The following PHLPP1 variants were observed in gnomAD, a reference collection of about 807,000 sequenced individuals.
PHLPP1 encodes the protein PH domain leucine-rich repeat-containing protein phosphatase 1.
Under a neutral mutation model 117.2 loss-of-function variants are expected in PHLPP1, and 42 were observed. The observed-to-expected ratio is 0.36, with a 90% CI of 0.28 to 0.46. PHLPP1 has a LOEUF of 0.46. Among genes scored for constraint, PHLPP1 ranks in the 20% least tolerant of loss-of-function variants. The probability of loss-of-function intolerance (pLI) is 1.00; values close to 1 mark genes in which losing one functional copy is unlikely to be tolerated. For missense variants in PHLPP1, 2,084 were observed against 2,241.9 expected, an observed-to-expected ratio of 0.93 and a Z score of 1.42; for synonymous variants, 1,042 against 970.7, an observed-to-expected ratio of 1.07 and a Z score of -1.37.
intron 10 of PHLPP1, among the ~76,000 whole-genome samples, chr18:62,922,078 A>G (rs1909484708): frequency 6.6e-6 from 1 of 152,206 alleles, no homozygotes; most frequent in East Asian, 1.9e-4. Flanking sequence ...AAATGTTTCA[A>G]GATCATTGAA....
intron 6 of PHLPP1, among the ~76,000 whole-genome samples, chr18:62,898,036 G>C (rs78672090): frequency 3.0e-4 from 21 of 69,338 alleles, no homozygotes; most frequent in South Asian, 9.8e-4. Flanking sequence ...TCTCCTCTTT[G>C]TACAAAGTGT....
chr18:62,862,632 A>G (rs185079796), intron 4 of PHLPP1, among the ~76,000 whole-genome samples: 4 of 152,302 alleles, frequency 2.6e-5, no homozygotes, highest in East Asian at 1.9e-4. Context: ...GGGGTTCTCT[A>G]TAAATAGCGA....
chr18:62,863,129 A>G (rs892718246), intron 4 of PHLPP1, among the ~76,000 whole-genome samples: 2 of 151,962 alleles, frequency 1.3e-5, no homozygotes, highest in African/African-American at 4.8e-5. Context: ...TAGGCAAAGC[A>G]GCCCTAAGGG....
At position 62,763,768 on chromosome 18, in the gene PHLPP1, C is replaced by T. The variant is rs376880358; in HGVS notation, c.1576+46509C>T. On this transcript the variant is annotated intron_variant, in intron 1 of 16. Transcript: ENST00000262719. The stretch of plus-strand genomic sequence containing the variant: ...CTCTTTGACATCATACCTCTGTCTT[C>T]GTGACTTTTCCCAGTAGCACCAGAG... Among the ~76,000 whole-genome samples, 13 of 152,276 alleles carry T rather than the reference C, an allele frequency of 8.5e-5. No individual in the cohort carries two copies. In the East Asian group the frequency reaches 1.9e-3, roughly 23 times the overall value.
chr18:62,717,129 C>A lies in PHLPP1; in HGVS notation c.1446C>A (p.Arg482=). The A allele has an allele frequency of 6.2e-7, 1 of 1,600,136 alleles. No homozygotes were observed. Among genetic ancestry groups the A allele is most frequent in the Non-Finnish European group, 8.5e-7 (1 of 1,173,932 alleles). ...YVQLHGETTR[R]LEAEEKPLQI... Reference sequence around the variant, plus strand: ...AGCTCCACGGAGAGACCACCCGGCGCTTGGAGGCGGAGGAGAAGCCATTGC... The same window carrying A: ...AGCTCCACGGAGAGACCACCCGGCGATTGGAGGCGGAGGAGAAGCCATTGC... Residue 482 remains arginine (R), a synonymous_variant, in exon 1 of 17, where the codon CGC becomes CGA. Coordinates refer to ENST00000262719, the MANE Select transcript of PHLPP1 (RefSeq NM_194449.4).
chr18:62,829,490 G>A (rs922413249), intron 1 of PHLPP1, among the ~76,000 whole-genome samples: 1 of 152,164 alleles, frequency 6.6e-6, no homozygotes, highest in Non-Finnish European at 1.5e-5. Flanking sequence ...GGTGGCTCAC[G>A]CCTGTAATCC....
At chr18:62,871,776 C>T (rs1915910083) in intron 4 of PHLPP1, among the ~76,000 whole-genome samples, 1 of 151,578 alleles carries the variant, frequency 6.6e-6, no homozygotes, top group Admixed American at 6.6e-5. Context: ...TCCTGAGTAG[C>T]TGGGATTACA....
intron 3 of PHLPP1, among the ~76,000 whole-genome samples, chr18:62,859,873 C>T (rs1461652526): frequency 6.6e-6 from 1 of 152,198 alleles, no homozygotes; most frequent in Non-Finnish European, 1.5e-5. Flanking sequence ...TACATACCCT[C>T]CAGGCAGGGA....
chr18:62,748,573 G>C (rs1911749457), intron 1 of PHLPP1, among the ~76,000 whole-genome samples: 1 of 152,240 alleles, frequency 6.6e-6, no homozygotes, highest in South Asian at 2.1e-4. Context: ...TATTCTTCTT[G>C]TTGGTGGAAT....
At chr18:62,916,905 C>A (rs975257885) in intron 9 of PHLPP1, among the ~76,000 whole-genome samples, 1 of 151,024 alleles carries the variant, frequency 6.6e-6, no homozygotes, top group Non-Finnish European at 1.5e-5. Context: ...AGGTACGCAC[C>A]ACCATGCCCA....
chr18:62,849,797 CAA>C (rs1159265423), intron 3 of PHLPP1, among the ~76,000 whole-genome samples: 10 of 7,396 alleles, frequency 1.4e-3, no homozygotes, highest in Admixed American at 7.4e-3. Context: ...CCTGTCTCTA[CAA>C]AAAAAAAAAA....
At chr18:62,768,759 T>C (rs1016137550) in intron 1 of PHLPP1, among the ~76,000 whole-genome samples, 27 of 152,154 alleles carry the variant, frequency 1.8e-4, no homozygotes, top group Non-Finnish European at 3.8e-4. Flanking sequence ...AGAAATTATA[T>C]GATTACCTAA....
intron 4 of PHLPP1, among the ~76,000 whole-genome samples, chr18:62,864,116 G>A (rs946055098): frequency 2.4e-4 from 37 of 152,138 alleles, no homozygotes; most frequent in African/African-American, 8.9e-4. Flanking sequence ...CCACCTCCCG[G>A]GTTCAAGCAA....
intron 1 of PHLPP1, among the ~76,000 whole-genome samples, chr18:62,760,944 C>T (rs776482053): frequency 1.3e-5 from 2 of 152,134 alleles, no homozygotes; most frequent in Non-Finnish European, 2.9e-5. Context: ...ACTGCCATCT[C>T]GACTCTCTGA....
chr18:62,822,265 GT>G (rs56800588), intron 1 of PHLPP1, among the ~76,000 whole-genome samples: 1,947 of 116,092 alleles, frequency 0.017, 61 homozygotes, highest in African/African-American at 0.05. Context: ...AGAAAATAGT[GT>G]TTTTTTTTTT....
At chr18:62,767,250 A>C (rs1163810951) in intron 1 of PHLPP1, among the ~76,000 whole-genome samples, 1 of 152,242 alleles carries the variant, frequency 6.6e-6, no homozygotes, top group Non-Finnish European at 1.5e-5. Flanking sequence ...ATAATTTCAA[A>C]GGAGACCACT....
At chr18:62,874,462 T>C (rs1348175652) in intron 4 of PHLPP1, among the ~76,000 whole-genome samples, 1 of 152,090 alleles carries the variant, frequency 6.6e-6, no homozygotes, top group Non-Finnish European at 1.5e-5. Context: ...TGAGCTGAGA[T>C]TGCGCCACTG....
chr18:62,778,180 T>C (rs1854113742), intron 1 of PHLPP1, among the ~76,000 whole-genome samples: 1 of 152,196 alleles, frequency 6.6e-6, no homozygotes, highest in African/African-American at 2.4e-5. Flanking sequence ...CTTTTTAATG[T>C]ATTACCTTTG....
intron 12 of PHLPP1, among the ~76,000 whole-genome samples, chr18:62,951,284 C>T (rs1436025330): frequency 6.7e-6 from 1 of 148,192 alleles, no homozygotes; most frequent in Non-Finnish European, 1.5e-5. Flanking sequence ...CCTGGCCAAC[C>T]CAGACTAGTT....
Sources: allele counts gnomAD v4.1 joint callset (sites outside exome capture counted in the v4.1 genomes callset), GRCh38; gene constraint gnomAD v4.1.1; transcripts MANE v1.5; gene names NCBI Gene and HGNC (gene_info 2026-07-23, HGNC 2026-07-21).